MAML3: variants seen among roughly 807,000 people sequenced by gnomAD.
MAML3 encodes the protein mastermind like transcriptional coactivator 3, also known as mastermind-like protein 3.
Under a neutral mutation model 101.9 loss-of-function variants are expected in MAML3, and 27 were observed. That is an observed-to-expected ratio of 0.27 (90% CI 0.20 to 0.37). The LOEUF (loss-of-function observed/expected upper bound fraction) is 0.37. MAML3 is among the 10% of genes least tolerant of loss of function. MAML3 has a pLI of 1.00. For missense variants in MAML3, 1,316 were observed against 1,444.9 expected (o/e 0.91, Z 1.45); for synonymous variants, 501 against 555.9 (o/e 0.90, Z 1.39).
intron 1 of MAML3, among the ~76,000 whole-genome samples, chr4:139,969,786 A>G (rs1345016045): frequency 6.6e-6 from 1 of 152,124 alleles, no homozygotes; most frequent in Non-Finnish European, 1.5e-5. Context: ...CTATCTCCTC[A>G]ACCTCGCTGC....
chr4:140,083,965 CACAGAGAGAGAGAGAGAGAGAG>C (rs1176895674), intron 1 of MAML3, among the ~76,000 whole-genome samples: 6 of 63,202 alleles, frequency 9.5e-5, no homozygotes, highest in East Asian at 7.5e-4. Context: ...CACACACACA[CACAGAGAGAGAGAGAGAGAGAG>C]AGAGAGAGAG....
rs560932062 is a variant in MAML3 at position 139,992,621 on chromosome 4, G to C, written c.469-101654C>G. 2.3e-3 allele frequency among the ~76,000 whole-genome samples: 346 copies of C among 152,108 alleles called. 2 individuals carry two copies. The highest frequency in any genetic ancestry group is 8.1e-3 in the African/African-American group (335 of 41,496). ...GCTCACTGCAACCTCTGCCTCCTGGGTTCAAGTGATCCTTCTGCCTCAGCC... is the reference window on the plus strand; with the variant it reads ...GCTCACTGCAACCTCTGCCTCCTGGCTTCAAGTGATCCTTCTGCCTCAGCC... On this transcript the variant is annotated intron_variant, in intron 1 of 4. Coordinates refer to ENST00000509479, the MANE Select transcript of MAML3 (RefSeq NM_018717.5).
rs1255696012 is a variant in MAML3, at chr4:139,718,152, T to C, written c.*1171A>G. 6.6e-6 allele frequency: 1 copy of C among 152,130 alleles called. No homozygotes were observed. The highest frequency in any genetic ancestry group is 1.5e-5 in the Non-Finnish European group (1 of 68,040). 9.4% of individuals were successfully genotyped at this position (152,130 alleles called of 1,614,324 possible). A position where few individuals can be genotyped will look rare whatever the true frequency, so the allele number is the denominator to read the frequency against. On this transcript the variant is annotated 3_prime_UTR_variant, in exon 5 of 5. Coordinates refer to ENST00000509479, the MANE Select transcript of MAML3 (RefSeq NM_018717.5). ...CAGTGACCTCCAGGCCACTCCTTCC[T>C]GGGGATATCAGAAATATCAGATGTG... is the stretch of plus-strand genomic sequence containing the variant.
At chr4:139,963,096 A>C (rs940806637) in intron 1 of MAML3, among the ~76,000 whole-genome samples, 12 of 152,262 alleles carry the variant, frequency 7.9e-5, no homozygotes, top group African/African-American at 2.9e-4. Flanking sequence ...GAAGTTAGTG[A>C]AGAGGTGAGG....
chr4:140,092,374 C>T (rs1468947833), intron 1 of MAML3, among the ~76,000 whole-genome samples: 2 of 152,016 alleles, frequency 1.3e-5, no homozygotes, highest in African/African-American at 4.8e-5. Flanking sequence ...GGAAGATCAT[C>T]AACAAGGCAA....
intron 1 of MAML3, among the ~76,000 whole-genome samples, chr4:140,069,579 GGAGGAGGAGGAA>G (rs1246158306): frequency 1.5e-5 from 2 of 130,638 alleles, no homozygotes; most frequent in African/African-American, 3.1e-5. Context: ...GAGGGGAGGA[GGAGGAGGAGGAA>G]GAGGAGGAGG....
chr4:139,846,457 C>G (rs906963474), intron 2 of MAML3, among the ~76,000 whole-genome samples: 1 of 152,180 alleles, frequency 6.6e-6, no homozygotes, highest in African/African-American at 2.4e-5. Context: ...AGGTGATCCT[C>G]CTACCTCAGC....
chr4:140,052,332 T>C (rs904558803), intron 1 of MAML3, among the ~76,000 whole-genome samples: 2 of 152,038 alleles, frequency 1.3e-5, no homozygotes, highest in Admixed American at 6.5e-5. Flanking sequence ...AACCAATTAA[T>C]AGCACAACAG....
At position 139,717,367 on chromosome 4, in the gene MAML3, ATTTG is replaced by A. The variant is rs578128851; in HGVS notation, c.*1952_*1955del. The A allele has an allele frequency of 2.8e-4, 43 of 152,076 alleles. No homozygotes were observed. Among genetic ancestry groups the A allele is most frequent in the African/African-American group, 9.2e-4 (38 of 41,348 alleles). 9.4% of individuals were successfully genotyped at this position (152,076 alleles called of 1,614,324 possible). A position where few individuals can be genotyped will look rare whatever the true frequency, so the allele number is the denominator to read the frequency against. On this transcript the variant is annotated 3_prime_UTR_variant, in exon 5 of 5. Coordinates refer to ENST00000509479, the MANE Select transcript of MAML3 (RefSeq NM_018717.5). ...AGGTAATTATGTTTTGTGTCTTCTC[ATTTG>A]TTTGTTTGCTTTTTTTTGGTTTCAT... is the stretch of plus-strand genomic sequence containing the variant.
chr4:139,989,412 G>A (rs904102585), intron 1 of MAML3, among the ~76,000 whole-genome samples: 4 of 152,150 alleles, frequency 2.6e-5, no homozygotes, highest in Non-Finnish European at 4.4e-5. Flanking sequence ...AAACACGCCC[G>A]ACGGCTTCTG....
Position 139,807,412 on chromosome 4 carries a change from T to G in MAML3, c.2080-76745A>C, listed in dbSNP as rs535047156. 7.2e-5 allele frequency among the ~76,000 whole-genome samples: 11 copies of G among 152,304 alleles called. No individual in the cohort carries two copies. The East Asian group carries it at 2.1e-3, about 29-fold the overall frequency. ...TCGGAATTACCTTAAACCCTGCACT[T>G]GTTTAGCCATATGCAGGAGCCATCT... On this transcript the variant is annotated intron_variant, in intron 2 of 4. Coordinates refer to ENST00000509479, the MANE Select transcript of MAML3 (RefSeq NM_018717.5).
At chr4:140,070,494 A>G (rs902948720) in intron 1 of MAML3, among the ~76,000 whole-genome samples, 5 of 152,220 alleles carry the variant, frequency 3.3e-5, no homozygotes, top group African/African-American at 1.2e-4. Flanking sequence ...GAACAAAAAG[A>G]GAAAAGCTTC....
intron 1 of MAML3, among the ~76,000 whole-genome samples, chr4:139,942,255 A>C (rs1246839228): frequency 6.6e-6 from 1 of 152,172 alleles, no homozygotes; most frequent in Non-Finnish European, 1.5e-5. Context: ...CATAATATCA[A>C]GAAGAACACA....
chr4:139,754,471 T>A (rs555083839), intron 2 of MAML3, among the ~76,000 whole-genome samples: 35 of 152,370 alleles, frequency 2.3e-4, no homozygotes, highest in African/African-American at 7.5e-4. Context: ...TGTATAAAGC[T>A]GTTATCATTT....
chr4:139,947,806 T>C (rs761337477), intron 1 of MAML3, among the ~76,000 whole-genome samples: 12 of 152,092 alleles, frequency 7.9e-5, no homozygotes, highest in Non-Finnish European at 1.6e-4. Flanking sequence ...TCTAGAACAC[T>C]AAAAGCTACC....
chr4:139,744,571 A>G (rs1729264040), intron 2 of MAML3, among the ~76,000 whole-genome samples: 1 of 152,094 alleles, frequency 6.6e-6, no homozygotes, highest in Admixed American at 6.6e-5. Flanking sequence ...TTGCTATTAA[A>G]GTTTGCTTTC....
chr4:140,068,481 C>G (rs1727576619), intron 1 of MAML3, among the ~76,000 whole-genome samples: 1 of 152,166 alleles, frequency 6.6e-6, no homozygotes, highest in Non-Finnish European at 1.5e-5. Context: ...ACTTTTCAGA[C>G]TGATTGAGTC....
At chr4:139,936,468 T>A (rs1733508143) in intron 1 of MAML3, among the ~76,000 whole-genome samples, 1 of 152,212 alleles carries the variant, frequency 6.6e-6, no homozygotes, top group Non-Finnish European at 1.5e-5. Flanking sequence ...GGGACCTCTA[T>A]ACTGTTCTTC....
intron 1 of MAML3, among the ~76,000 whole-genome samples, chr4:140,136,242 A>G (rs531402884): frequency 2.6e-4 from 39 of 152,304 alleles, no homozygotes; most frequent in African/African-American, 9.4e-4. Context: ...AATTCATCCC[A>G]TAGCCTTGAC....
Sources: allele counts gnomAD v4.1 joint callset (sites outside exome capture counted in the v4.1 genomes callset), GRCh38; gene constraint gnomAD v4.1.1; transcripts MANE v1.5; gene names NCBI Gene and HGNC (gene_info 2026-07-23, HGNC 2026-07-21).